NAXD: variants seen among roughly 807,000 people sequenced by gnomAD.
NAXD encodes the protein ATP-dependent (S)-NAD(P)H-hydrate dehydratase.
NAXD carries 22 observed loss-of-function variants against 35.8 expected under a neutral mutation model. The ratio of observed to expected loss-of-function variants is 0.62; its 90% confidence interval spans 0.44 to 0.88. The LOEUF (loss-of-function observed/expected upper bound fraction) is 0.88, where lower values mean the gene tolerates loss of function less well. Among genes scored for constraint, NAXD ranks in the 40% least tolerant of loss-of-function variants. The pLI is 0.00. For missense variants in NAXD, 428 were observed against 437.7 expected (o/e 0.98, Z 0.20); for synonymous variants, 189 against 177.6 (o/e 1.06, Z -0.51).
chr13:110,627,558 T>C lies in NAXD; in HGVS notation c.441+11T>C, dbSNP rs1223922796. The C allele has an allele frequency of 1.3e-6, 2 of 1,570,306 alleles. No homozygotes were observed. The stretch of plus-strand genomic sequence containing the variant: ...CTCAGAAATGTCCAGGTAATGTGTA[T>C]ACTCACTCACTTCCCTCATGACAGG... On this transcript the variant is annotated intron_variant, in intron 5 of 9. Coordinates refer to ENST00000680254, the MANE Select transcript of NAXD (RefSeq NM_001242882.2).
intron 4 of NAXD, among the ~76,000 whole-genome samples, chr13:110,626,583 T>G (rs1886493078): frequency 6.6e-6 from 1 of 151,558 alleles, no homozygotes; most frequent in Non-Finnish European, 1.5e-5. Context: ...AGGGGGGACT[T>G]GGCACTCAGA....
In NAXD at chr13:110,615,571, G is replaced by A. The variant is rs1284769340; in HGVS notation, c.-31G>A. On this transcript the variant is annotated 5_prime_UTR_variant, in exon 1 of 10. Transcript: ENST00000680254. ...ATGGCTGTGTTTCCGGCGACGGCGC[G>A]GGGGCAGCTGGGAATCCGGAATGCT... 38 of 1,338,026 alleles carry A rather than the reference G, an allele frequency of 2.8e-5. No individual in the cohort carries two copies. Among genetic ancestry groups the A allele is most frequent in the Non-Finnish European group, 3.6e-5 (38 of 1,043,268 alleles). The allele number at this position is 1,338,026 out of a possible 1,614,324, so 82.9% of individuals were successfully genotyped here.
chr13:110,615,537 A>G, upstream of NAXD: 1 of 1,322,204 alleles, frequency 7.6e-7, no homozygotes, highest in Non-Finnish European at 9.7e-7. Context: ...AAACCGGAAA[A>G]CGCTTCCAAT....
Position 110,638,745 on chromosome 13 carries a change from A to G in NAXD, c.*217A>G, listed in dbSNP as rs1887045755. The G allele has an allele frequency of 2.0e-5, 14 of 702,204 alleles. No homozygotes were observed. Among genetic ancestry groups the G allele is most frequent in the South Asian group, 1.6e-4 (11 of 66,752 alleles). 43.5% of individuals were successfully genotyped at this position (702,204 alleles called of 1,614,324 possible). A position where few individuals can be genotyped will look rare whatever the true frequency, so the allele number is the denominator to read the frequency against. On this transcript the variant is annotated 3_prime_UTR_variant, in exon 10 of 10. Coordinates refer to ENST00000680254, the MANE Select transcript of NAXD (RefSeq NM_001242882.2). This position sits in a 1 kb window ranked among gnomAD's most constrained non-coding sequence, Gnocchi z 5.4. ...TGGAGATGTTATGGCGACACTAAAC[A>G]AAGTATTCCTGAACTTTCCTTAGCT...
In NAXD at chr13:110,628,027, G is replaced by C. The variant is rs1168575087; in HGVS notation, c.441+480G>C. On this transcript the variant is annotated intron_variant, in intron 5 of 9. Coordinates refer to ENST00000680254, the MANE Select transcript of NAXD (RefSeq NM_001242882.2). This position sits in a 1 kb window ranked among gnomAD's most constrained non-coding sequence, Gnocchi z 4.1. Reference sequence around the variant, plus strand: ...CTTGTCCGTGCCCACATGCATATGCGCATGGACTCTCATTTATGCTGGTAT... The same window carrying C: ...CTTGTCCGTGCCCACATGCATATGCCCATGGACTCTCATTTATGCTGGTAT... Among the ~76,000 whole-genome samples the C allele has an allele frequency of 6.6e-6, 1 of 152,212 alleles. No homozygotes were observed. Among genetic ancestry groups the C allele is most frequent in the Non-Finnish European group, 1.5e-5 (1 of 68,044 alleles).
At chr13:110,625,725 A>G (rs1049609393) in intron 4 of NAXD, among the ~76,000 whole-genome samples, 1 of 152,186 alleles carries the variant, frequency 6.6e-6, no homozygotes, top group East Asian at 1.9e-4. Context: ...TATGCTATAG[A>G]GCTTGCTGTG....
At chr13:110,634,878 C>T (rs746827600) in intron 7 of NAXD, 102 bp downstream of exon 7, 6 of 826,716 alleles carry the variant, frequency 7.3e-6, no homozygotes, top group Non-Finnish European at 1.2e-5. Context: ...CCTGTGGACA[C>T]ACCTGCAAGT....
At chr13:110,616,120 C>T (rs567961999) in intron 1 of NAXD, 7 of 289,232 alleles carry the variant, frequency 2.4e-5, no homozygotes, top group African/African-American at 1.5e-4. Context: ...GCTCTGTCCC[C>T]GCTCCCGGTC....
chr13:110,622,698 A>G (rs1566614675), intron 2 of NAXD, among the ~76,000 whole-genome samples: 2 of 152,170 alleles, frequency 1.3e-5, no homozygotes, highest in African/African-American at 4.8e-5. Context: ...ACACTCAGCA[A>G]CCTCTTGGTT....
intron 4 of NAXD, among the ~76,000 whole-genome samples, chr13:110,626,104 T>C (rs1403234547): frequency 6.6e-6 from 1 of 151,600 alleles, no homozygotes; most frequent in African/African-American, 2.4e-5. Flanking sequence ...CCACAGGGTG[T>C]GGGGCTGCTG....
intron 5 of NAXD, among the ~76,000 whole-genome samples, chr13:110,633,302 CAGGGCTGGCCG>C (rs1026429291): frequency 4.6e-5 from 7 of 152,204 alleles, no homozygotes; most frequent in African/African-American, 1.7e-4. Context: ...CCCGGGCCAG[CAGGGCTGGCCG>C]GCTGCTCCGA....
intron 5 of NAXD, 24 bp downstream of exon 5, chr13:110,627,571 C>A (rs928388068): frequency 6.6e-7 from 1 of 1,505,954 alleles, no homozygotes; most frequent in Non-Finnish European, 9.2e-7. Flanking sequence ...TCACTCACTT[C>A]CCTCATGACA....
intron 3 of NAXD, among the ~76,000 whole-genome samples, chr13:110,624,951 C>T (rs1427936326): frequency 6.6e-6 from 1 of 152,230 alleles, no homozygotes; most frequent in African/African-American, 2.4e-5. Flanking sequence ...CGAGCTGGGC[C>T]GTGCTGGTGT....
At chr13:110,617,243 A>T (rs1210967058) in intron 1 of NAXD, among the ~76,000 whole-genome samples, 1 of 152,150 alleles carries the variant, frequency 6.6e-6, no homozygotes, top group East Asian at 1.9e-4. Context: ...TTTAAGTAGA[A>T]TTTTCCAGTA....
Position 110,638,454 on chromosome 13 carries a change from C to G in NAXD, c.916C>G (p.His306Asp), listed in dbSNP as rs1362585222. ...RQCNHQAFQK[H>D]GRSTTTSDMI... ...GTGCAACCACCAAGCCTTCCAGAAG[C>G]ACGGTCGCTCCACCACCACCTCCGA... Residue 306 changes from histidine to aspartate, a missense_variant, in exon 10 of 10, where the codon CAC becomes GAC. Coordinates refer to ENST00000680254, the MANE Select transcript of NAXD (RefSeq NM_001242882.2). This position sits in a 1 kb window ranked among gnomAD's most constrained non-coding sequence, Gnocchi z 5.4. The G allele has an allele frequency of 6.2e-7, 1 of 1,613,346 alleles. No individual in the cohort carries two copies. The highest frequency in any genetic ancestry group is 8.5e-7 in the Non-Finnish European group (1 of 1,180,038).
intron 5 of NAXD, among the ~76,000 whole-genome samples, chr13:110,631,361 A>C (rs3825466): frequency 6.6e-6 from 1 of 152,098 alleles, no homozygotes; most frequent in African/African-American, 2.4e-5. Flanking sequence ...TCCTGAATCT[A>C]TGTGTTTTGT....
intron 7 of NAXD, among the ~76,000 whole-genome samples, chr13:110,635,215 G>A (rs1886878713): frequency 6.6e-6 from 1 of 152,170 alleles, no homozygotes; most frequent in African/African-American, 2.4e-5. Context: ...CCCAGTCTTG[G>A]GTGGTCCTCC....
rs997596703 is a variant in NAXD at position 110,637,157 on chromosome 13, C to G, written c.747C>G (p.Ser249Arg). The G allele has an allele frequency of 5.0e-6, 8 of 1,613,670 alleles. No homozygotes were observed. Among genetic ancestry groups the G allele is most frequent in the Non-Finnish European group, 5.9e-6 (7 of 1,179,906 alleles). ...TTGTGTGCAGCCAGGAAGGCAGCAG[C>G]CGCAGGTGTGGAGGGCAAGGGGACC... ...QVLVCSQEGS[S>R]RRCGGQGDLL... is the part of the protein sequence containing the mutation. The change falls in exon 9 of 10, where the codon AGC becomes AGG. Residue 249 changes from serine (S) to arginine (R), a missense_variant. Ser to Arg is a moderately radical substitution (Grantham distance 110). Coordinates refer to ENST00000680254, the MANE Select transcript of NAXD (RefSeq NM_001242882.2).
In NAXD at chr13:110,617,104, A is replaced by C. The variant is rs549646383; in HGVS notation, c.46+1457A>C. On this transcript the variant is annotated intron_variant, in intron 1 of 9. Coordinates refer to ENST00000680254, the MANE Select transcript of NAXD (RefSeq NM_001242882.2). ...GAGGATTTATTATCAGACTGCCTAA[A>C]CTTTTACGAAAAGCCAGGTAGAGTT... Among the ~76,000 whole-genome samples, 26 of 152,322 alleles carry C rather than the reference A, an allele frequency of 1.7e-4. No individual in the cohort carries two copies. In the South Asian group the frequency reaches 5.4e-3, roughly 32 times the overall value.
Sources: allele counts gnomAD v4.1 joint callset (sites outside exome capture counted in the v4.1 genomes callset), GRCh38; gene constraint gnomAD v4.1.1; non-coding constraint Gnocchi (gnomAD v3.1); transcripts MANE v1.5; gene names NCBI Gene and HGNC (gene_info 2026-07-23, HGNC 2026-07-21).